The following RPTOR variants were observed in gnomAD, a reference collection of about 807,000 sequenced individuals.
RPTOR encodes regulatory associated protein of MTOR complex 1.
Under a neutral mutation model 169.9 loss-of-function variants are expected in RPTOR, and 21 were observed. The ratio of observed to expected loss-of-function variants is 0.12; its 90% CI spans 0.09 to 0.18. The LOEUF (loss-of-function observed/expected upper bound fraction) is 0.18, where lower values mean the gene tolerates loss of function less well. Ranked by LOEUF, RPTOR falls within the 10% of genes least tolerant of loss-of-function variation. The probability of loss-of-function intolerance (pLI) is 1.00; values close to 1 mark genes in which losing one functional copy is unlikely to be tolerated. For missense variants in RPTOR, 1,133 were observed against 1,855.9 expected (o/e 0.61, Z 7.16); for synonymous variants, 732 against 753.2 (o/e 0.97, Z 0.46).
intron 9 of RPTOR, among the ~76,000 whole-genome samples, chr17:80,829,367 A>C (rs1025297536): frequency 3.3e-5 from 5 of 152,220 alleles, no homozygotes; most frequent in Non-Finnish European, 7.3e-5. Context: ...GCTCAGTCCA[A>C]CCGGGGCTCT....
At chr17:80,712,210 T>C (rs572590123) in intron 4 of RPTOR, among the ~76,000 whole-genome samples, 35 of 152,278 alleles carry the variant, frequency 2.3e-4, no homozygotes, top group Admixed American at 5.2e-4. Flanking sequence ...CTGATAATGA[T>C]GTGTTATAAT....
chr17:80,772,927 C>T (rs1029395118), intron 6 of RPTOR, among the ~76,000 whole-genome samples: 2 of 152,128 alleles, frequency 1.3e-5, no homozygotes, highest in Non-Finnish European at 2.9e-5. Context: ...GCCAGGGCTA[C>T]GATTTGAACC....
intron 17 of RPTOR, among the ~76,000 whole-genome samples, chr17:80,889,506 T>C (rs2068289832): frequency 6.6e-6 from 1 of 152,160 alleles, no homozygotes; most frequent in African/African-American, 2.4e-5. Context: ...TCCCCGTCTG[T>C]GTGCTGCTGG....
At chr17:80,829,293 C>T (rs1170781913) in intron 9 of RPTOR, among the ~76,000 whole-genome samples, 1 of 152,188 alleles carries the variant, frequency 6.6e-6, no homozygotes, top group Non-Finnish European at 1.5e-5. Flanking sequence ...GGCTTTCAGA[C>T]AGCAGAAAGA....
Position 80,743,802 on chromosome 17 carries a change from G to C in RPTOR, c.655-10208G>C, listed in dbSNP as rs1039425403. On this transcript the variant is annotated intron_variant, in intron 5 of 33. Transcript: ENST00000306801. ...TAGCAGAGCCCTGGCTACTAGCACA[G>C]CCCTGGCTACTAGCAGAGCCCTGGC... Among the ~76,000 whole-genome samples, 40 of 129,718 alleles carry C rather than the reference G, an allele frequency of 3.1e-4. 3 individuals carry two copies. Among genetic ancestry groups the C allele is most frequent in the Admixed American group, 5.9e-4 (8 of 13,612 alleles). 85.1% of individuals were successfully genotyped at this position (129,718 alleles called of 152,430 possible).
At chr17:80,765,195 T>C (rs950795566) in intron 6 of RPTOR, among the ~76,000 whole-genome samples, 1 of 152,038 alleles carries the variant, frequency 6.6e-6, no homozygotes, top group Non-Finnish European at 1.5e-5. Context: ...TTCCTGGGAG[T>C]CCTGCCAGTG....
At chr17:80,769,607 CAG>C (rs2066821834) in intron 6 of RPTOR, among the ~76,000 whole-genome samples, 1 of 152,304 alleles carries the variant, frequency 6.6e-6, no homozygotes, top group South Asian at 2.1e-4. Context: ...TTCTTGGAGA[CAG>C]AGGAGGGAGT....
chr17:80,910,188 GA>G (rs2068595233), intron 21 of RPTOR, among the ~76,000 whole-genome samples: 1 of 152,144 alleles, frequency 6.6e-6, no homozygotes, highest in Non-Finnish European at 1.5e-5. Flanking sequence ...CCTGTTCCCT[GA>G]AAGTGCTGGG....
intron 24 of RPTOR, among the ~76,000 whole-genome samples, chr17:80,927,832 G>T (rs899592752): frequency 2.0e-5 from 3 of 151,792 alleles, no homozygotes; most frequent in African/African-American, 4.8e-5. Flanking sequence ...TCCTCCGCCT[G>T]CCCTCATCTC....
intron 4 of RPTOR, among the ~76,000 whole-genome samples, chr17:80,725,227 C>T (rs1265069229): frequency 6.6e-6 from 1 of 152,192 alleles, no homozygotes; most frequent in Non-Finnish European, 1.5e-5. Flanking sequence ...CCATGGCTGC[C>T]TTGGTGGCTA....
chr17:80,768,286 T>C (rs191437085), intron 6 of RPTOR, among the ~76,000 whole-genome samples: 25 of 152,280 alleles, frequency 1.6e-4, no homozygotes, highest in Admixed American at 8.5e-4. Context: ...GGGAGAACCA[T>C]GGAGTGCGTG....
At chr17:80,793,224 G>T (rs1434914068) in intron 7 of RPTOR, among the ~76,000 whole-genome samples, 6 of 152,112 alleles carry the variant, frequency 3.9e-5, no homozygotes, top group Non-Finnish European at 8.8e-5. Flanking sequence ...AAACTTAACT[G>T]GTAAGTATAA....
intron 28 of RPTOR, among the ~76,000 whole-genome samples, chr17:80,950,022 T>C (rs1278679039): frequency 1.3e-5 from 2 of 152,224 alleles, no homozygotes; most frequent in African/African-American, 4.8e-5. Context: ...CAGTGCCGGC[T>C]CTGGGTACAG....
chr17:80,953,342 T>C (rs996800320), intron 28 of RPTOR, among the ~76,000 whole-genome samples: 1 of 152,256 alleles, frequency 6.6e-6, no homozygotes, highest in Non-Finnish European at 1.5e-5. Context: ...CCATCACGGC[T>C]CACTGCAGCC....
At chr17:80,832,670 G>T (rs184002919) in intron 9 of RPTOR, among the ~76,000 whole-genome samples, 1 of 152,174 alleles carries the variant, frequency 6.6e-6, no homozygotes, top group Non-Finnish European at 1.5e-5. Context: ...GTGGAGGTGG[G>T]CTCCTCACCA....
At chr17:80,894,008 C>A in intron 20 of RPTOR, 143 bp downstream of exon 20, 2 of 858,270 alleles carry the variant, frequency 2.3e-6, no homozygotes, top group Non-Finnish European at 1.7e-6. Flanking sequence ...AACAGGACTG[C>A]GAGGCAGGGA....
intron 1 of RPTOR, among the ~76,000 whole-genome samples, chr17:80,584,546 A>T (rs1246053940): frequency 6.6e-6 from 1 of 151,922 alleles, no homozygotes; most frequent in Admixed American, 6.6e-5. Context: ...CAGGAGTGCG[A>T]TTTTTCCTTT....
chr17:80,805,639 A>C (rs182807846), intron 7 of RPTOR: 55 of 152,346 alleles, frequency 3.6e-4, no homozygotes, highest in African/African-American at 1.3e-3. Context: ...ACATGGGCTC[A>C]GATGTCTTTC....
chr17:80,769,913 T>C (rs977934546), intron 6 of RPTOR, among the ~76,000 whole-genome samples: 2 of 145,344 alleles, frequency 1.4e-5, no homozygotes, highest in African/African-American at 2.6e-5. Context: ...TGGTAGGTGC[T>C]GTGCAGCTGC....
Sources: allele counts gnomAD v4.1 joint callset (sites outside exome capture counted in the v4.1 genomes callset), GRCh38; gene constraint gnomAD v4.1.1; transcripts MANE v1.5; gene names NCBI Gene and HGNC (gene_info 2026-07-23, HGNC 2026-07-21).